SORCS1: variants seen among roughly 807,000 people sequenced by gnomAD.
The protein encoded by SORCS1 is sortilin related VPS10 domain containing receptor 1, also known as VPS10 domain-containing receptor SorCS1.
Under a neutral mutation model 146.1 loss-of-function variants are expected in SORCS1, and 60 were observed. The observed-to-expected ratio is 0.41, with a 90% CI of 0.33 to 0.51. The LOEUF (loss-of-function observed/expected upper bound fraction) is 0.51. Ranked by LOEUF, SORCS1 falls within the 20% of genes least tolerant of loss-of-function variation. SORCS1 has a pLI of 0.21. For missense variants in SORCS1, 1,352 were observed against 1,487.6 expected, an observed-to-expected ratio of 0.91 and a Z score of 1.50; for synonymous variants, 637 against 584.0, an observed-to-expected ratio of 1.09 and a Z score of -1.31.
At chr10:106,688,050 A>G in intron 10 of SORCS1, 142 bp downstream of exon 10, 1 of 1,116,336 alleles carries the variant, frequency 9.0e-7, no homozygotes, top group Non-Finnish European at 1.2e-6. Flanking sequence ...TGAGTTTTCT[A>G]CACCCTTTGC....
chr10:106,956,636 C>A lies in SORCS1; in HGVS notation c.559-56G>T, dbSNP rs1048839764. The A allele has an allele frequency of 8.4e-5, 124 of 1,481,444 alleles. 2 individuals carry two copies. The East Asian group carries it at 2.7e-3, about 32-fold the overall frequency. The allele number at this position is 1,481,444 out of a possible 1,614,324, so 91.8% of individuals were successfully genotyped here. A position where few individuals can be genotyped will look rare whatever the true frequency, so the allele number is the denominator to read the frequency against. The stretch of plus-strand genomic sequence containing the variant: ...CTCAAACAATTACAATCTCTTAGAA[C>A]TGAAATGGCCCAAGGGAGGGCTTAG... On this transcript the variant is annotated intron_variant, in intron 1 of 25. Coordinates refer to ENST00000263054, the MANE Select transcript of SORCS1 (RefSeq NM_052918.5).
intron 19 of SORCS1, among the ~76,000 whole-genome samples, chr10:106,622,231 G>T (rs900689891): frequency 6.8e-6 from 1 of 147,366 alleles, no homozygotes; most frequent in Non-Finnish European, 1.5e-5. Flanking sequence ...CAGAGGTTAC[G>T]GTGAGCCAAG....
intron 1 of SORCS1, among the ~76,000 whole-genome samples, chr10:107,009,387 G>C (rs1957594171): frequency 6.6e-6 from 1 of 152,184 alleles, no homozygotes; most frequent in Non-Finnish European, 1.5e-5. Flanking sequence ...TGGGCAGAGA[G>C]TTCCAGATTT....
intron 2 of SORCS1, among the ~76,000 whole-genome samples, chr10:106,920,588 G>A (rs1032124446): frequency 3.9e-5 from 6 of 152,144 alleles, no homozygotes; most frequent in Non-Finnish European, 5.9e-5. Context: ...CAGAAAGGAC[G>A]TGTGGTCATC....
chr10:106,814,684 G>A (rs1564691142), intron 3 of SORCS1, among the ~76,000 whole-genome samples: 1 of 152,112 alleles, frequency 6.6e-6, no homozygotes, highest in Non-Finnish European at 1.5e-5. Context: ...GGAGGCCAAG[G>A]CGGGTGGATC....
At chr10:106,770,297 A>T (rs1485968773) in intron 4 of SORCS1, among the ~76,000 whole-genome samples, 1 of 152,192 alleles carries the variant, frequency 6.6e-6, no homozygotes, top group Non-Finnish European at 1.5e-5. Context: ...TCAGGAATGA[A>T]GCAAGTTTTC....
At chr10:107,109,464 G>C (rs980336927) in intron 1 of SORCS1, among the ~76,000 whole-genome samples, 5 of 152,172 alleles carry the variant, frequency 3.3e-5, no homozygotes, top group Non-Finnish European at 7.3e-5. Context: ...AGCTATATCT[G>C]GGGCCCTCTG....
At chr10:106,868,097 A>T (rs1014699324) in intron 2 of SORCS1, among the ~76,000 whole-genome samples, 1 of 152,236 alleles carries the variant, frequency 6.6e-6, no homozygotes, top group African/African-American at 2.4e-5. Context: ...ATCAAAAAAG[A>T]CAAAGAAGGG....
chr10:106,974,170 G>C (rs1256355964), intron 1 of SORCS1, among the ~76,000 whole-genome samples: 1 of 152,146 alleles, frequency 6.6e-6, no homozygotes, highest in Non-Finnish European at 1.5e-5. Context: ...GCCAAACATG[G>C]GGCCTAAGTG....
intron 3 of SORCS1, among the ~76,000 whole-genome samples, chr10:106,784,000 C>T (rs530309261): frequency 6.2e-4 from 94 of 152,044 alleles, no homozygotes; most frequent in Non-Finnish European, 1.2e-3. Flanking sequence ...AAAAAACAGA[C>T]TCATTTTACT....
At chr10:107,066,173 T>C (rs540737523) in intron 1 of SORCS1, among the ~76,000 whole-genome samples, 72 of 152,252 alleles carry the variant, frequency 4.7e-4, no homozygotes, top group African/African-American at 1.3e-3. Flanking sequence ...TCTCATTTGG[T>C]CTGGAATGGA....
At chr10:107,142,102 A>G (rs2134726041) in intron 1 of SORCS1, among the ~76,000 whole-genome samples, 1 of 152,290 alleles carries the variant, frequency 6.6e-6, no homozygotes, top group East Asian at 1.9e-4. Flanking sequence ...TTTCCTATTC[A>G]ATTCTAGGGA....
intron 1 of SORCS1, among the ~76,000 whole-genome samples, chr10:107,076,956 AC>A (rs1453327816): frequency 6.6e-6 from 1 of 152,198 alleles, no homozygotes; most frequent in African/African-American, 2.4e-5. Context: ...TGCAGTGCTC[AC>A]ATCTGATATG....
chr10:106,898,586 A>C (rs1951579457), intron 2 of SORCS1, among the ~76,000 whole-genome samples: 2 of 152,218 alleles, frequency 1.3e-5, no homozygotes, highest in African/African-American at 4.8e-5. Flanking sequence ...GTAGGGGGTC[A>C]GGGGTAGCTG....
chr10:106,604,277 T>A (rs1205106164), intron 23 of SORCS1, among the ~76,000 whole-genome samples: 1 of 152,162 alleles, frequency 6.6e-6, no homozygotes, highest in African/African-American at 2.4e-5. Context: ...AAAACTCCCT[T>A]TATTTTTACC....
At chr10:106,752,686 G>C (rs1214277899) in intron 5 of SORCS1, among the ~76,000 whole-genome samples, 2 of 152,200 alleles carry the variant, frequency 1.3e-5, no homozygotes, top group African/African-American at 2.4e-5. Flanking sequence ...TCCTTGGGCA[G>C]TGATATAGGA....
chr10:106,676,907 C>T (rs1852070344), intron 13 of SORCS1, among the ~76,000 whole-genome samples: 1 of 152,190 alleles, frequency 6.6e-6, no homozygotes, highest in African/African-American at 2.4e-5. Flanking sequence ...AGAAGCCAGA[C>T]TACTTACCCA....
chr10:106,657,526 C>T (rs976035131), intron 17 of SORCS1, among the ~76,000 whole-genome samples: 8 of 151,884 alleles, frequency 5.3e-5, no homozygotes, highest in Admixed American at 1.3e-4. Flanking sequence ...ACTCAGATGA[C>T]GGATGCACTA....
At chr10:106,797,333 T>C (rs1052943918) in intron 3 of SORCS1, among the ~76,000 whole-genome samples, 18 of 152,258 alleles carry the variant, frequency 1.2e-4, no homozygotes, top group African/African-American at 4.3e-4. Context: ...ATATACAATT[T>C]TTTTTTTCAA....
Sources: allele counts gnomAD v4.1 joint callset (sites outside exome capture counted in the v4.1 genomes callset), GRCh38; gene constraint gnomAD v4.1.1; transcripts MANE v1.5; gene names NCBI Gene and HGNC (gene_info 2026-07-23, HGNC 2026-07-21).